Variants in OSBPL10 observed in about 807,000 individuals in gnomAD.
The protein encoded by OSBPL10 is oxysterol binding protein like 10, also known as oxysterol-binding protein-related protein 10.
OSBPL10 carries 49 observed loss-of-function variants against 81.7 expected under a neutral mutation model. The ratio of observed to expected loss-of-function variants is 0.60; its 90% CI spans 0.48 to 0.76. OSBPL10 has a LOEUF of 0.76. Ranked by LOEUF, OSBPL10 falls within the 30% of genes least tolerant of loss-of-function variation. OSBPL10 has a pLI of 0.00. For missense variants in OSBPL10, 923 were observed against 987.8 expected (o/e 0.93, Z 0.88); for synonymous variants, 419 against 383.6 (o/e 1.09, Z -1.08).
intron 4 of OSBPL10, among the ~76,000 whole-genome samples, chr3:31,774,497 T>C (rs1219874313): frequency 7.1e-6 from 1 of 141,132 alleles, no homozygotes; most frequent in Non-Finnish European, 1.5e-5. Context: ...CCTCTTTTGT[T>C]TTCTGTTTTT....
At chr3:31,678,618 G>C (rs2125535381) in intron 8 of OSBPL10, among the ~76,000 whole-genome samples, 1 of 152,242 alleles carries the variant, frequency 6.6e-6, no homozygotes, top group East Asian at 1.9e-4. Flanking sequence ...CAAGAATTAG[G>C]GGCTCACAGA....
At chr3:31,856,081 C>G (rs1236282302) in intron 3 of OSBPL10, among the ~76,000 whole-genome samples, 2 of 131,068 alleles carry the variant, frequency 1.5e-5, no homozygotes, top group Non-Finnish European at 3.4e-5. Flanking sequence ...CACACACACA[C>G]ACACACACAC....
chr3:32,032,189 C>A (rs1215309890), intron 2 of OSBPL10, among the ~76,000 whole-genome samples: 1 of 152,078 alleles, frequency 6.6e-6, no homozygotes, highest in Non-Finnish European at 1.5e-5. Flanking sequence ...GAGACCAAGG[C>A]AGGTGGATCA....
chr3:31,762,629 C>CTTTTTTTTTTTTTTTTTT (rs1491572896), intron 4 of OSBPL10, among the ~76,000 whole-genome samples: 10 of 17,214 alleles, frequency 5.8e-4, no homozygotes, highest in Admixed American at 7.8e-4. Flanking sequence ...CCATGCCCAG[C>CTTTTTTTTTTTTTTTTTT]ATTTTTTTTT....
chr3:31,847,199 T>C (rs1263145155), intron 3 of OSBPL10, among the ~76,000 whole-genome samples: 2 of 139,758 alleles, frequency 1.4e-5, no homozygotes, highest in Non-Finnish European at 3.1e-5. Context: ...CATTCCTTTT[T>C]TTTTTTTTTT....
At chr3:31,809,859 C>T (rs1361909321) in intron 4 of OSBPL10, among the ~76,000 whole-genome samples, 2 of 136,744 alleles carry the variant, frequency 1.5e-5, no homozygotes, top group East Asian at 2.0e-4. Context: ...TCAATGGGTG[C>T]CCCCTGACTC....
At chr3:31,892,230 A>G (rs1166687194) in intron 1 of OSBPL10, among the ~76,000 whole-genome samples, 1 of 151,950 alleles carries the variant, frequency 6.6e-6, no homozygotes, top group Non-Finnish European at 1.5e-5. Context: ...GGGAGAGGGA[A>G]TGGAGAAAAA....
chr3:31,946,266 C>T (rs2125435439), intron 1 of OSBPL10, among the ~76,000 whole-genome samples: 1 of 152,160 alleles, frequency 6.6e-6, no homozygotes, highest in African/African-American at 2.4e-5. Flanking sequence ...AGGCGTGAGC[C>T]ACTGCACCCA....
chr3:31,661,808 ATCATAC>A lies in OSBPL10; in HGVS notation c.*258_*263del. The A allele has an allele frequency of 2.8e-6, 1 of 356,640 alleles. No individual in the cohort carries two copies. The highest frequency in any genetic ancestry group is 5.0e-6 in the Non-Finnish European group (1 of 201,004). The allele number at this position is 356,640 out of a possible 1,614,324, so 22.1% of individuals were successfully genotyped here. On this transcript the variant is annotated 3_prime_UTR_variant, in exon 12 of 12. Transcript: ENST00000396556. ...GGTGAGTGCAGTATTTAAATGTGTA[ATCATAC>A]TCAGATGTTTACATAGTGCATGTGT...
intron 6 of OSBPL10, among the ~76,000 whole-genome samples, chr3:31,705,771 C>G (rs1696044864): frequency 6.6e-6 from 1 of 152,230 alleles, no homozygotes; most frequent in African/African-American, 2.4e-5. Flanking sequence ...CCTCCCCTCT[C>G]TGAATCTCTG....
chr3:32,061,199 C>T (rs1699752509), intron 1 of OSBPL10, among the ~76,000 whole-genome samples: 1 of 91,160 alleles, frequency 1.1e-5, no homozygotes, highest in Admixed American at 1.4e-4. Flanking sequence ...GTCCCCTGAG[C>T]ACCCCACAGC....
Position 32,006,884 on chromosome 3 carries a change from C to G in OSBPL10, n.298+39607G>C, listed in dbSNP as rs373967482. On this transcript the variant is annotated intron_variant and non_coding_transcript_variant, in intron 2 of 3. Coordinates refer to the OSBPL10 transcript ENST00000479173. ...TTGCCTTTCCTTTATGAAAATGAAC[C>G]TATTCATGGATATTTCCTCTTCTAT... 2.0e-5 allele frequency among the ~76,000 whole-genome samples: 3 copies of G among 152,152 alleles called. No homozygotes were observed. The South Asian group carries it at 6.3e-4, about 32-fold the overall frequency.
intron 4 of OSBPL10, among the ~76,000 whole-genome samples, chr3:31,767,842 C>A (rs1048807903): frequency 1.3e-5 from 2 of 152,144 alleles, no homozygotes; most frequent in Admixed American, 1.3e-4. Context: ...TGTCACAAGG[C>A]GAACCTCAAA....
intron 4 of OSBPL10, among the ~76,000 whole-genome samples, chr3:31,768,194 T>C (rs576257299): frequency 2.6e-5 from 4 of 152,276 alleles, no homozygotes; most frequent in African/African-American, 7.2e-5. Context: ...TCTCTTAGCA[T>C]GTTAATGCAT....
At chr3:32,002,037 A>T (rs1699154433) in intron 2 of OSBPL10, among the ~76,000 whole-genome samples, 1 of 152,210 alleles carries the variant, frequency 6.6e-6, no homozygotes. Flanking sequence ...GTTAGGGTTC[A>T]AACCCAGCTC....
intron 1 of OSBPL10, among the ~76,000 whole-genome samples, chr3:31,907,544 T>C (rs1696443899): frequency 7.4e-6 from 1 of 135,450 alleles, no homozygotes; most frequent in Non-Finnish European, 1.5e-5. Flanking sequence ...GGAGAATCAC[T>C]TGAACCCAAG....
Position 32,017,148 on chromosome 3 carries a change from A to T in OSBPL10, n.298+29343T>A, listed in dbSNP as rs1300186164. On this transcript the variant is annotated intron_variant and non_coding_transcript_variant, in intron 2 of 3. Transcript: ENST00000479173. ...TTTATTGAACTCTGACTTGTATGCC[A>T]AACACATATTAATTTCTTATGAATG... Among the ~76,000 whole-genome samples the T allele has an allele frequency of 3.9e-5, 6 of 152,352 alleles. No individual in the cohort carries two copies. In the East Asian group the frequency reaches 1.2e-3, roughly 29 times the overall value.
rs921219017 is a variant in OSBPL10, at chr3:31,967,009, ATTT to A, written c.281+13887_281+13889del. The stretch of plus-strand genomic sequence containing the variant: ...AAGTTCATGGACAATCTCTGAGGGG[ATTT>A]TTTTTTTTTAATAAATGGTTAAAAC... On this transcript the variant is annotated intron_variant, in intron 1 of 11. Transcript: ENST00000396556. Among the ~76,000 whole-genome samples the A allele has an allele frequency of 2.0e-5, 3 of 146,930 alleles. No homozygotes were observed. The Admixed American group carries it at 2.0e-4, about 10-fold the overall frequency.
chr3:31,662,821 T>C, intron 11 of OSBPL10: 2 of 985,218 alleles, frequency 2.0e-6, no homozygotes, highest in Non-Finnish European at 2.4e-6. Flanking sequence ...ACAAACTAGC[T>C]CTCTCAAGCT....
Sources: gnomAD v4.1 joint callset for allele counts (sites outside exome capture counted in the v4.1 genomes callset) on GRCh38, gnomAD v4.1.1 for gene constraint, MANE v1.5 for transcripts, NCBI Gene and HGNC (gene_info 2026-07-23, HGNC 2026-07-21) for gene names.